The following MECOM variants were observed in gnomAD, a reference collection of about 807,000 sequenced individuals.
MECOM encodes the protein histone-lysine N-methyltransferase MECOM.
MECOM carries 13 observed loss-of-function variants against 116.3 expected under a neutral mutation model. The observed-to-expected ratio is 0.11, with a 90% CI of 0.07 to 0.18. The LOEUF is 0.18. Among genes scored for constraint, MECOM ranks in the 10% least tolerant of loss-of-function variants. The pLI is 1.00. For missense variants in MECOM, 1,299 were observed against 1,509.0 expected (o/e 0.86, Z 2.31); for synonymous variants, 528 against 535.2 (o/e 0.99, Z 0.19).
chr3:169,150,061 A>G (rs1740957551), intron 2 of MECOM, among the ~76,000 whole-genome samples: 4 of 151,510 alleles, frequency 2.6e-5, no homozygotes. Flanking sequence ...GTATATAACA[A>G]TAACTTCATG....
At chr3:169,346,459 AATG>A (rs1725366999) in intron 2 of MECOM, among the ~76,000 whole-genome samples, 1 of 152,056 alleles carries the variant, frequency 6.6e-6, no homozygotes, top group Non-Finnish European at 1.5e-5. Context: ...GGAGGATTCA[AATG>A]ATAACGTATT....
chr3:169,246,760 T>G (rs1267338803), intron 2 of MECOM, among the ~76,000 whole-genome samples: 1 of 152,122 alleles, frequency 6.6e-6, no homozygotes, highest in Non-Finnish European at 1.5e-5. Flanking sequence ...GACCTCATGA[T>G]CCGCCCGCCT....
chr3:169,133,363 T>C (rs1417387473), intron 3 of MECOM: 1 of 152,240 alleles, frequency 6.6e-6, no homozygotes, highest in African/African-American at 2.4e-5. Context: ...TTTATTCCAG[T>C]AGGTGGCTCT....
intron 2 of MECOM, among the ~76,000 whole-genome samples, chr3:169,293,922 G>A (rs528524484): frequency 1.3e-5 from 2 of 152,326 alleles, no homozygotes; most frequent in Admixed American, 1.3e-4. Context: ...GGAGACCTCA[G>A]CCTGAGAGGC....
intron 2 of MECOM, among the ~76,000 whole-genome samples, chr3:169,278,350 A>C (rs1339540704): frequency 6.6e-6 from 1 of 152,250 alleles, no homozygotes; most frequent in Non-Finnish European, 1.5e-5. Flanking sequence ...GTCCAGTTCT[A>C]CAAGTCATTT....
chr3:169,461,420 GA>G (rs1747420563), intron 1 of MECOM, among the ~76,000 whole-genome samples: 1 of 152,126 alleles, frequency 6.6e-6, no homozygotes, highest in South Asian at 2.1e-4. Flanking sequence ...AAGTTTTGAA[GA>G]ACTCTAGAAT....
chr3:169,167,709 C>T (rs1026740070), intron 2 of MECOM, among the ~76,000 whole-genome samples: 5 of 152,094 alleles, frequency 3.3e-5, no homozygotes, highest in African/African-American at 1.2e-4. Flanking sequence ...TATGAATAGA[C>T]ATGTAACCCT....
chr3:169,616,216 G>A (rs1769981215), intron 1 of MECOM, among the ~76,000 whole-genome samples: 1 of 152,188 alleles, frequency 6.6e-6, no homozygotes, highest in South Asian at 2.1e-4. Context: ...AAGGAGGCAT[G>A]GAGGCATCAA....
intron 1 of MECOM, among the ~76,000 whole-genome samples, chr3:169,421,711 C>A (rs1239226088): frequency 6.6e-6 from 1 of 151,690 alleles, no homozygotes; most frequent in African/African-American, 2.4e-5. Flanking sequence ...AAAACGATTT[C>A]TTACTTCTTC....
chr3:169,147,099 G>A (rs760373077), intron 2 of MECOM: 20 of 986,542 alleles, frequency 2.0e-5, no homozygotes, highest in Non-Finnish European at 2.2e-5. Context: ...ATTCCTTCTG[G>A]TTCACATCAC....
Position 169,340,300 on chromosome 3 carries a change from C to T in MECOM, c.375+40887G>A, listed in dbSNP as rs188497816. Among the ~76,000 whole-genome samples, 5 of 152,246 alleles carry T rather than the reference C, an allele frequency of 3.3e-5. No individual in the cohort carries two copies. The East Asian group carries it at 9.6e-4, about 29-fold the overall frequency. On this transcript the variant is annotated intron_variant, in intron 2 of 16. Coordinates refer to ENST00000651503, the MANE Select transcript of MECOM (RefSeq NM_004991.4). ...TTATCTACGGGTTGCCGCTACTGAT[C>T]GATGGCATCACTCTAGTAGTGTAAA...
chr3:169,113,643 G>A (rs1343334501), intron 8 of MECOM, among the ~76,000 whole-genome samples: 1 of 151,486 alleles, frequency 6.6e-6, no homozygotes, highest in Non-Finnish European at 1.5e-5. Flanking sequence ...AAGCACATAG[G>A]GAAATAATAT....
chr3:169,141,880 A>G (rs1216927551), intron 3 of MECOM, among the ~76,000 whole-genome samples: 1 of 151,970 alleles, frequency 6.6e-6, no homozygotes, highest in African/African-American at 2.4e-5. Context: ...ATTACCACTT[A>G]AGAAAAATGT....
At chr3:169,371,266 A>G (rs1730060296) in intron 2 of MECOM, among the ~76,000 whole-genome samples, 1 of 152,014 alleles carries the variant, frequency 6.6e-6, no homozygotes, top group Non-Finnish European at 1.5e-5. Flanking sequence ...ACACAAAAAG[A>G]CAAATACTGC....
intron 2 of MECOM, among the ~76,000 whole-genome samples, chr3:169,204,830 C>T (rs540776911): frequency 6.6e-6 from 1 of 152,238 alleles, no homozygotes; most frequent in South Asian, 2.1e-4. Flanking sequence ...AAATCTGTAA[C>T]CTCAACAGAC....
At chr3:169,491,270 C>T (rs375384346) in intron 1 of MECOM, among the ~76,000 whole-genome samples, 1 of 152,122 alleles carries the variant, frequency 6.6e-6, no homozygotes, top group Admixed American at 6.5e-5. Flanking sequence ...ACTCCAGAGA[C>T]GATTGCTGAC....
intron 1 of MECOM, among the ~76,000 whole-genome samples, chr3:169,411,348 G>A (rs900617349): frequency 3.9e-5 from 6 of 152,120 alleles, no homozygotes; most frequent in Non-Finnish European, 8.8e-5. Context: ...ACCACAAGCA[G>A]GAATGTTTAT....
intron 1 of MECOM, among the ~76,000 whole-genome samples, chr3:169,558,954 A>C (rs1375886663): frequency 2.6e-5 from 4 of 151,970 alleles, no homozygotes; most frequent in Non-Finnish European, 5.9e-5. Flanking sequence ...TCTTCTCATC[A>C]TTTTTCATGC....
At chr3:169,142,355 T>C (rs1738367694) in intron 3 of MECOM, among the ~76,000 whole-genome samples, 1 of 151,964 alleles carries the variant, frequency 6.6e-6, no homozygotes, top group African/African-American at 2.4e-5. Context: ...AGCTATCATT[T>C]GAGGTCCTCC....
Sources: allele counts gnomAD v4.1 joint callset (sites outside exome capture counted in the v4.1 genomes callset), GRCh38; gene constraint gnomAD v4.1.1; transcripts MANE v1.5; gene names NCBI Gene and HGNC (gene_info 2026-07-23, HGNC 2026-07-21).